Variants in CDH1 observed in about 807,000 individuals in gnomAD.
CDH1 encodes the protein cadherin 1.
Under a neutral mutation model 84.5 loss-of-function variants are expected in CDH1, and 35 were observed. The observed-to-expected ratio is 0.41, with a 90% CI of 0.32 to 0.55. The LOEUF (loss-of-function observed/expected upper bound fraction) is 0.55, where lower values mean the gene tolerates loss of function less well. Ranked by LOEUF, CDH1 falls within the 20% of genes least tolerant of loss-of-function variation. The pLI is 0.19. For missense variants in CDH1, 994 were observed against 1,126.6 expected (o/e 0.88, Z 1.68); for synonymous variants, 417 against 439.0 (o/e 0.95, Z 0.63).
chr16:68,767,367 T>C (rs539254380), intron 2 of CDH1, among the ~76,000 whole-genome samples: 1 of 152,100 alleles, frequency 6.6e-6, no homozygotes, highest in African/African-American at 2.4e-5. Context: ...GCTAATTTTT[T>C]TTGTATTTTT....
At chr16:68,769,565 T>A (rs1959489287) in intron 2 of CDH1, among the ~76,000 whole-genome samples, 1 of 151,898 alleles carries the variant, frequency 6.6e-6, no homozygotes, top group African/African-American at 2.4e-5. Flanking sequence ...CGCTTCAGTC[T>A]CCCAAAGTGT....
chr16:68,823,028 C>A, intron 12 of CDH1: 1 of 297,288 alleles, frequency 3.4e-6, no homozygotes, highest in Non-Finnish European at 6.4e-6. Flanking sequence ...AGGTGACCAC[C>A]TGACCAACCT....
chr16:68,796,559 G>A (rs1364588718), intron 2 of CDH1, among the ~76,000 whole-genome samples: 1 of 152,150 alleles, frequency 6.6e-6, no homozygotes, highest in African/African-American at 2.4e-5. Context: ...TGAATGCTCA[G>A]AGCCTGCCCC....
At chr16:68,780,506 G>A (rs1035602157) in intron 2 of CDH1, among the ~76,000 whole-genome samples, 2 of 152,122 alleles carry the variant, frequency 1.3e-5, no homozygotes, top group African/African-American at 4.8e-5. Context: ...GTTTCGCCAT[G>A]TTGGCCAGGC....
intron 2 of CDH1, among the ~76,000 whole-genome samples, chr16:68,788,843 C>CA (rs894496040): frequency 6.6e-6 from 1 of 151,498 alleles, no homozygotes; most frequent in Admixed American, 6.6e-5. Flanking sequence ...CTAAAAAAAA[C>CA]AAAAAACAAA....
chr16:68,793,404 C>T (rs1055572761), intron 2 of CDH1, among the ~76,000 whole-genome samples: 1 of 152,170 alleles, frequency 6.6e-6, no homozygotes. Flanking sequence ...TCAAGTTACT[C>T]TCCAACTGTC....
chr16:68,785,254 C>T lies in CDH1; in HGVS notation c.164-16416C>T, dbSNP rs568675591. On this transcript the variant is annotated intron_variant, in intron 2 of 15. Transcript: ENST00000261769. ...TTGCCCAGGCTGGAGTACAGTGGCG[C>T]GATCTCGGCTCACTGCAACCTCTGC... 2.2e-4 allele frequency among the ~76,000 whole-genome samples: 33 copies of T among 152,160 alleles called. 2 individuals are homozygous for T. The South Asian group carries it at 3.9e-3, about 18-fold the overall frequency.
intron 8 of CDH1, 82 bp downstream of exon 8, chr16:68,812,345 G>A (rs1389490151): frequency 1.2e-5 from 18 of 1,442,190 alleles, no homozygotes; most frequent in African/African-American, 8.4e-5. Context: ...GCTCATGGGC[G>A]AAGTCTTTGA....
At chr16:68,738,181 G>C in intron 1 of CDH1, 116 bp from the exon 2 acceptor site, 1 of 689,110 alleles carries the variant, frequency 1.5e-6, no homozygotes, top group Non-Finnish European at 2.5e-6. Context: ...GCTGCGGGCT[G>C]GGGTCCTCCC....
intron 2 of CDH1, 36 bp from the exon 3 acceptor site, chr16:68,801,634 T>C (rs2152126519): frequency 6.5e-7 from 1 of 1,546,100 alleles, no homozygotes; most frequent in Non-Finnish European, 8.9e-7. Context: ...CTTTAATCTG[T>C]CCAATTTCCT....
intron 2 of CDH1, among the ~76,000 whole-genome samples, chr16:68,798,195 G>A (rs773938951): frequency 1.2e-4 from 19 of 152,086 alleles, no homozygotes; most frequent in Non-Finnish European, 2.1e-4. Context: ...ATGAAAGGTG[G>A]GCATACTGGG....
intron 2 of CDH1, among the ~76,000 whole-genome samples, chr16:68,747,300 C>T (rs1371100699): frequency 2.6e-5 from 4 of 152,098 alleles, no homozygotes; most frequent in Non-Finnish European, 5.9e-5. Flanking sequence ...CTGTGCCTTC[C>T]TGGGCACAGA....
intron 6 of CDH1, among the ~76,000 whole-genome samples, chr16:68,811,374 C>T (rs1054603239): frequency 5.0e-5 from 6 of 119,214 alleles, no homozygotes; most frequent in Non-Finnish European, 9.9e-5. Context: ...CCAGCCTGGG[C>T]AACAGGAGCA....
At chr16:68,767,562 T>C (rs112509889) in intron 2 of CDH1, among the ~76,000 whole-genome samples, 6 of 152,336 alleles carry the variant, frequency 3.9e-5, no homozygotes, top group African/African-American at 1.4e-4. Flanking sequence ...CTCTTTCTCA[T>C]AGTAACAAGA....
intron 2 of CDH1, among the ~76,000 whole-genome samples, chr16:68,744,046 A>G (rs1962660930): frequency 6.6e-6 from 1 of 152,222 alleles, no homozygotes; most frequent in African/African-American, 2.4e-5. Flanking sequence ...TAGAGAGAAT[A>G]TTTTCAACAG....
At position 68,811,779 on chromosome 16, in the gene CDH1, G is replaced by C. The variant is rs1597894150; in HGVS notation, c.928G>C (p.Glu310Gln). Residue 310 changes from glutamate to glutamine, a missense_variant, in exon 7 of 16, where the codon GAG (glutamate) becomes CAG (glutamine). Around this residue, in one of 3 missense-constraint regions of CDH1, gnomAD observed 769 missense variants for 881.8 expected, o/e 0.87. Transcript: ENST00000261769. ...IAYTILSQDP[E>Q]LPDKNMFTIN... is the part of the protein sequence containing the mutation. ...TTACACCATCCTCAGCCAAGATCCT[G>C]AGCTCCCTGACAAAAATATGTTCAC... 1 of 1,613,972 alleles carries C rather than the reference G, an allele frequency of 6.2e-7. No individual in the cohort carries two copies. The highest frequency in any genetic ancestry group is 8.5e-7 in the Non-Finnish European group (1 of 1,180,020).
At chr16:68,782,064 C>T (rs1382757314) in intron 2 of CDH1, among the ~76,000 whole-genome samples, 1 of 152,186 alleles carries the variant, frequency 6.6e-6, no homozygotes, top group Non-Finnish European at 1.5e-5. Flanking sequence ...TGCTGTTCCC[C>T]ATGGTATCAA....
chr16:68,808,961 T>G, intron 5 of CDH1, 113 bp downstream of exon 5: 5 of 908,212 alleles, frequency 5.5e-6, no homozygotes, highest in Non-Finnish European at 8.8e-6. Context: ...GGAGCTTAAC[T>G]TGACACCTCT....
intron 2 of CDH1, among the ~76,000 whole-genome samples, chr16:68,756,374 A>G (rs766832217): frequency 3.3e-5 from 5 of 152,208 alleles, no homozygotes; most frequent in Admixed American, 6.5e-5. Flanking sequence ...CTTTATGAAC[A>G]GGTGGGGTGG....
Sources: allele counts gnomAD v4.1 joint callset (sites outside exome capture counted in the v4.1 genomes callset), GRCh38; gene constraint gnomAD v4.1.1; regional missense constraint gnomAD v4.1.1; transcripts MANE v1.5; gene names NCBI Gene and HGNC (gene_info 2026-07-23, HGNC 2026-07-21).